Variants in EYS observed in about 807,000 individuals in gnomAD.
EYS encodes the protein protein eyes shut homolog.
In EYS, 250 loss-of-function variants were observed where a neutral mutation model predicts 282.1. The ratio of observed to expected loss-of-function variants is 0.89; its 90% CI spans 0.80 to 0.98. The LOEUF is 0.98. Among genes scored for constraint, EYS ranks in the 50% least tolerant of loss-of-function variants. The pLI, the probability that EYS is intolerant of heterozygous loss-of-function variation, is 0.00. For synonymous variants in EYS, 1,355 were observed against 1,282.9 expected (o/e 1.06, Z -1.20); for missense variants, 4,016 against 3,709.0 (o/e 1.08, Z -2.15).
At chr6:65,034,582 G>A (rs1440353485) in intron 13 of EYS, among the ~76,000 whole-genome samples, 1 of 151,956 alleles carries the variant, frequency 6.6e-6, no homozygotes, top group Non-Finnish European at 1.5e-5. Flanking sequence ...CATATTGTTT[G>A]CTCCTGCTTT....
At chr6:64,310,656 G>A (rs1380889009) in intron 29 of EYS, among the ~76,000 whole-genome samples, 1 of 152,096 alleles carries the variant, frequency 6.6e-6, no homozygotes, top group African/African-American at 2.4e-5. Flanking sequence ...ATACCTCAAT[G>A]ATGAAATAAT....
At chr6:64,540,704 G>A (rs750307749) in intron 26 of EYS, among the ~76,000 whole-genome samples, 38 of 151,882 alleles carry the variant, frequency 2.5e-4, no homozygotes, top group African/African-American at 5.8e-4. Context: ...GGCTGGTCTC[G>A]AACTCCTTAC....
intron 26 of EYS, among the ~76,000 whole-genome samples, chr6:64,553,701 T>G (rs770348205): frequency 1.3e-5 from 2 of 152,088 alleles, no homozygotes; most frequent in African/African-American, 4.8e-5. Context: ...AAAGCACTCA[T>G]AGGTCTTGGA....
chr6:64,969,161 T>C (rs1041203256), intron 14 of EYS, among the ~76,000 whole-genome samples: 4 of 152,082 alleles, frequency 2.6e-5, no homozygotes, highest in Non-Finnish European at 5.9e-5. Flanking sequence ...GAGACCGGCA[T>C]GGCCTAGGAC....
At chr6:65,157,373 A>G (rs1466559602) in intron 12 of EYS, among the ~76,000 whole-genome samples, 1 of 150,784 alleles carries the variant, frequency 6.6e-6, no homozygotes, top group Non-Finnish European at 1.5e-5. Context: ...AAATCTATAG[A>G]GTTTAATTAT....
At chr6:64,232,650 C>G (rs911735024) in intron 30 of EYS, among the ~76,000 whole-genome samples, 15 of 152,116 alleles carry the variant, frequency 9.9e-5, no homozygotes, top group African/African-American at 3.4e-4. Context: ...CTCGGCCCCC[C>G]CAGAGCATTG....
In EYS at chr6:63,909,688, C is replaced by T. The variant is rs957140468; in HGVS notation, c.7056-45330G>A. Among the ~76,000 whole-genome samples the T allele has an allele frequency of 1.1e-4, 17 of 152,176 alleles. 1 individual carries two copies. The highest frequency in any genetic ancestry group is 3.9e-4 in the African/African-American group (16 of 41,440). On this transcript the variant is annotated intron_variant, in intron 35 of 42. Coordinates refer to ENST00000503581, the MANE Select transcript of EYS (RefSeq NM_001142800.2). ...CAGAGAGCTGCTTGTTAAACCTTTA[C>T]TAACACGCCGCTTCCAGTTCTCAAA...
chr6:64,443,883 T>C (rs1561997902), intron 26 of EYS, among the ~76,000 whole-genome samples: 1 of 152,176 alleles, frequency 6.6e-6, no homozygotes, highest in Non-Finnish European at 1.5e-5. Flanking sequence ...ATCAGCAGCA[T>C]GAAAATGGAC....
chr6:64,054,759 A>T (rs1396091695), intron 33 of EYS, among the ~76,000 whole-genome samples: 1 of 152,168 alleles, frequency 6.6e-6, no homozygotes, highest in Non-Finnish European at 1.5e-5. Context: ...TTCTTAAATG[A>T]GTATCAGAAA....
At chr6:63,865,239 G>A (rs1044751360) in intron 35 of EYS, among the ~76,000 whole-genome samples, 18 of 152,320 alleles carry the variant, frequency 1.2e-4, no homozygotes, top group South Asian at 6.2e-4. Flanking sequence ...TGATGGTGGC[G>A]TGTGCCTGTC....
intron 12 of EYS, among the ~76,000 whole-genome samples, chr6:65,180,410 T>G (rs1433541844): frequency 6.6e-6 from 1 of 151,812 alleles, no homozygotes; most frequent in Non-Finnish European, 1.5e-5. Flanking sequence ...TATACACCAA[T>G]AACAGACAAA....
chr6:63,871,420 G>T (rs1171784696), intron 35 of EYS, among the ~76,000 whole-genome samples: 1 of 152,064 alleles, frequency 6.6e-6, no homozygotes, highest in Non-Finnish European at 1.5e-5. Flanking sequence ...CAGCATTTTG[G>T]GAGGCTGAGG....
intron 19 of EYS, among the ~76,000 whole-genome samples, chr6:64,828,595 T>C (rs142999977): frequency 6.6e-6 from 1 of 152,012 alleles, no homozygotes; most frequent in Non-Finnish European, 1.5e-5. Context: ...GCTTCTGGCA[T>C]GTCTGGGTAG....
At chr6:64,811,652 C>T (rs779030258) in intron 22 of EYS, among the ~76,000 whole-genome samples, 21 of 152,060 alleles carry the variant, frequency 1.4e-4, no homozygotes, top group Non-Finnish European at 3.1e-4. Context: ...GTTCTGGGTA[C>T]AGTGGTTGTC....
chr6:63,879,394 A>T (rs892575150), intron 35 of EYS, among the ~76,000 whole-genome samples: 1 of 152,152 alleles, frequency 6.6e-6, no homozygotes. Context: ...GTTGGTGGAG[A>T]GAGGGAGAGG....
Position 64,082,020 on chromosome 6 carries a change from A to G in EYS, c.6425-18T>C. The stretch of plus-strand genomic sequence containing the variant: ...ACCTGCATCTAAAAAAGAAAATGGT[A>G]TTAATATGTTCTGATAGCATTATAT... On this transcript the variant is annotated intron_variant, in intron 31 of 42. Coordinates refer to ENST00000503581, the MANE Select transcript of EYS (RefSeq NM_001142800.2). The G allele has an allele frequency of 1.3e-6, 2 of 1,492,896 alleles. No individual in the cohort carries two copies. The highest frequency in any genetic ancestry group is 2.5e-5 in the South Asian group (2 of 81,246). The allele number at this position is 1,492,896 out of a possible 1,614,324, so 92.5% of individuals were successfully genotyped here.
At chr6:64,817,591 A>G (rs1486531959) in intron 21 of EYS, among the ~76,000 whole-genome samples, 1 of 151,972 alleles carries the variant, frequency 6.6e-6, no homozygotes, top group East Asian at 1.9e-4. Context: ...CATTTTTTCG[A>G]ACCATTCTCC....
intron 29 of EYS, among the ~76,000 whole-genome samples, chr6:64,369,123 C>G (rs1334869749): frequency 6.6e-6 from 1 of 152,094 alleles, no homozygotes; most frequent in East Asian, 1.9e-4. Flanking sequence ...CTGCATATGG[C>G]TATTCCAGAA....
chr6:65,392,218 C>A, intron 7 of EYS, among the ~76,000 whole-genome samples: 1 of 151,624 alleles, frequency 6.6e-6, no homozygotes, highest in East Asian at 1.9e-4. Flanking sequence ...CATAAAAACC[C>A]TAGAAGAAAA....
Sources: allele counts gnomAD v4.1 joint callset (sites outside exome capture counted in the v4.1 genomes callset), GRCh38; gene constraint gnomAD v4.1.1; transcripts MANE v1.5; gene names NCBI Gene and HGNC (gene_info 2026-07-23, HGNC 2026-07-21).